The following STARD13 variants were observed in gnomAD, a reference collection of about 807,000 sequenced individuals.
The protein encoded by STARD13 is stAR-related lipid transfer protein 13.
A neutral mutation model predicts 106.4 loss-of-function variants in STARD13; 62 were observed. The observed-to-expected ratio is 0.58, with a 90% confidence interval of 0.48 to 0.72. The LOEUF is 0.72. STARD13 is among the 30% of genes least tolerant of loss of function. The pLI is 0.00. For synonymous variants in STARD13, 565 were observed against 553.0 expected (o/e 1.02, Z -0.31); for missense variants, 1,387 against 1,424.0 (o/e 0.97, Z 0.42).
At chr13:33,118,823 A>G (rs911056379) in intron 7 of STARD13, among the ~76,000 whole-genome samples, 14 of 152,210 alleles carry the variant, frequency 9.2e-5, no homozygotes, top group African/African-American at 2.9e-4. Context: ...ACAGACTAAT[A>G]TCATAAGTAC....
At chr13:33,350,046 G>T (rs866093019) in intron 1 of STARD13, among the ~76,000 whole-genome samples, 48 of 152,296 alleles carry the variant, frequency 3.2e-4, no homozygotes, top group African/African-American at 1.1e-3. Flanking sequence ...CGCCAGCATG[G>T]AGCACCAGGC....
chr13:33,524,310 A>C, the STARD13 span: 1 of 1,264,390 alleles, frequency 7.9e-7, no homozygotes. Context: ...TTGCAGTTTT[A>C]GTTCTACAAA....
At chr13:33,311,939 G>A (rs1336217623) in intron 1 of STARD13, among the ~76,000 whole-genome samples, 1 of 152,206 alleles carries the variant, frequency 6.6e-6, no homozygotes, top group Non-Finnish European at 1.5e-5. Context: ...TAGGGAAAGT[G>A]TAATTCTTTC....
intron 1 of STARD13, chr13:33,277,444 G>A (rs1273961588): frequency 6.6e-6 from 1 of 152,022 alleles, no homozygotes; most frequent in Non-Finnish European, 1.5e-5. Context: ...TACTAGGAGA[G>A]CCTTTATATA....
chr13:33,628,325 A>G, the STARD13 span, among the ~76,000 whole-genome samples: 1 of 152,226 alleles, frequency 6.6e-6, no homozygotes, highest in African/African-American at 2.4e-5. Flanking sequence ...TAGTATTAAT[A>G]ACAAGCCTGG....
intron 1 of STARD13, among the ~76,000 whole-genome samples, chr13:33,325,260 C>T (rs528039566): frequency 6.6e-6 from 1 of 152,138 alleles, no homozygotes; most frequent in Non-Finnish European, 1.5e-5. Context: ...CTTCTCTAGC[C>T]TTCATCAAAT....
chr13:33,558,372 A>T, the STARD13 span, among the ~76,000 whole-genome samples: 1 of 152,216 alleles, frequency 6.6e-6, no homozygotes, highest in South Asian at 2.1e-4. Flanking sequence ...AGTACTAGGG[A>T]CAATAAATGC....
At chr13:33,410,425 T>G in the STARD13 span, among the ~76,000 whole-genome samples, 1 of 152,168 alleles carries the variant, frequency 6.6e-6, no homozygotes, top group African/African-American at 2.4e-5. Flanking sequence ...CCAAGACAAT[T>G]AAAGTTAGGA....
the STARD13 span, among the ~76,000 whole-genome samples, chr13:33,518,552 G>T: frequency 1.3e-5 from 2 of 152,098 alleles, no homozygotes; most frequent in Non-Finnish European, 2.9e-5. Context: ...AAATATGGGA[G>T]GGGAGGTGGG....
chr13:33,589,026 T>C, the STARD13 span, among the ~76,000 whole-genome samples: 1 of 152,206 alleles, frequency 6.6e-6, no homozygotes, highest in Non-Finnish European at 1.5e-5. Context: ...TTCTCTAAAC[T>C]AAATCTGGTA....
the STARD13 span, among the ~76,000 whole-genome samples, chr13:33,486,704 C>A: frequency 6.6e-6 from 1 of 152,192 alleles, no homozygotes; most frequent in Non-Finnish European, 1.5e-5. Flanking sequence ...TGCCTCATCA[C>A]AGCCATTCCT....
chr13:33,535,868 A>G, the STARD13 span, among the ~76,000 whole-genome samples: 1 of 152,226 alleles, frequency 6.6e-6, no homozygotes, highest in African/African-American at 2.4e-5. Context: ...CCATCTAAGC[A>G]TATTATACAA....
the STARD13 span, among the ~76,000 whole-genome samples, chr13:33,469,513 A>T: frequency 6.6e-6 from 1 of 152,232 alleles, no homozygotes; most frequent in African/African-American, 2.4e-5. Context: ...AGCTGAAATA[A>T]CTTACATTTC....
the STARD13 span, among the ~76,000 whole-genome samples, chr13:33,537,528 G>A: frequency 3.3e-5 from 5 of 152,196 alleles, no homozygotes; most frequent in African/African-American, 1.2e-4. Flanking sequence ...CACCCATGCA[G>A]AAAGTGAGGG....
intron 1 of STARD13, among the ~76,000 whole-genome samples, chr13:33,175,246 C>T (rs886153451): frequency 2.6e-5 from 4 of 152,154 alleles, no homozygotes; most frequent in Admixed American, 2.6e-4. Context: ...TGGTATTTCT[C>T]AGGGAGGCTG....
At chr13:33,212,191 T>A (rs552227171) in intron 1 of STARD13, among the ~76,000 whole-genome samples, 8 of 152,292 alleles carry the variant, frequency 5.3e-5, no homozygotes, top group South Asian at 2.1e-4. Flanking sequence ...CTGACAGATT[T>A]GTCCCTCTGT....
intron 4 of STARD13, among the ~76,000 whole-genome samples, chr13:33,133,363 G>GA (rs1878591263): frequency 6.6e-6 from 1 of 151,600 alleles, no homozygotes; most frequent in Non-Finnish European, 1.5e-5. Context: ...AAACTCCTGG[G>GA]AAAAAAGGAA....
At chr13:33,108,084 G>C (rs2138056743) in intron 12 of STARD13, among the ~76,000 whole-genome samples, 1 of 152,352 alleles carries the variant, frequency 6.6e-6, no homozygotes, top group South Asian at 2.1e-4. Context: ...ACGACTGAAA[G>C]TTGTAGAGAT....
At chr13:33,432,862 G>A in the STARD13 span, among the ~76,000 whole-genome samples, 3 of 152,138 alleles carry the variant, frequency 2.0e-5, no homozygotes, top group East Asian at 5.8e-4. Flanking sequence ...TTTAGAAGAT[G>A]TGGGCATACT....
Sources: allele counts gnomAD v4.1 joint callset (sites outside exome capture counted in the v4.1 genomes callset), GRCh38; gene constraint gnomAD v4.1.1; transcripts MANE v1.5; gene names NCBI Gene and HGNC (gene_info 2026-07-23, HGNC 2026-07-21).